CACHD1: variants seen among roughly 807,000 people sequenced by gnomAD.
The protein encoded by CACHD1 is VWFA and cache domain-containing protein 1.
Under a neutral mutation model 138.7 loss-of-function variants are expected in CACHD1, and 71 were observed. The ratio of observed to expected loss-of-function variants is 0.51; its 90% confidence interval spans 0.42 to 0.62. CACHD1 has a LOEUF of 0.62. CACHD1 is among the 20% of genes least tolerant of loss of function. The pLI, the probability that CACHD1 is intolerant of heterozygous loss-of-function variation, is 0.00. For missense variants in CACHD1, 1,389 were observed against 1,625.3 expected (o/e 0.85, Z 2.50); for synonymous variants, 578 against 591.5 (o/e 0.98, Z 0.33).
At chr1:64,689,746 C>A (rs1286527085) in intron 26 of CACHD1, among the ~76,000 whole-genome samples, 1 of 152,220 alleles carries the variant, frequency 6.6e-6, no homozygotes, top group Admixed American at 6.5e-5. Flanking sequence ...TATATCCACA[C>A]CTCTATGGCT....
At chr1:64,516,200 T>C (rs1465855443) in intron 1 of CACHD1, among the ~76,000 whole-genome samples, 1 of 152,200 alleles carries the variant, frequency 6.6e-6, no homozygotes, top group Non-Finnish European at 1.5e-5. Flanking sequence ...AATATACCTG[T>C]CCGTTTAACA....
At chr1:64,472,018 C>A (rs1557452949) in intron 1 of CACHD1, among the ~76,000 whole-genome samples, 1 of 152,144 alleles carries the variant, frequency 6.6e-6, no homozygotes, top group Non-Finnish European at 1.5e-5. Flanking sequence ...TTCTCTTACA[C>A]ATTCTAACAA....
intron 12 of CACHD1, 74 bp from the exon 13 acceptor site, chr1:64,658,631 A>G: frequency 8.9e-7 from 1 of 1,119,926 alleles, no homozygotes; most frequent in Non-Finnish European, 1.3e-6. Flanking sequence ...GCAGTAGAAA[A>G]TAATGTATGC....
chr1:64,635,541 G>A (rs1356812481), intron 7 of CACHD1, among the ~76,000 whole-genome samples: 1 of 151,420 alleles, frequency 6.6e-6, no homozygotes, highest in Non-Finnish European at 1.5e-5. Context: ...GTGCCACCAT[G>A]CCTGGCTAAT....
At chr1:64,661,530 G>A (rs1392414009) in intron 13 of CACHD1, among the ~76,000 whole-genome samples, 1 of 152,146 alleles carries the variant, frequency 6.6e-6, no homozygotes, top group Non-Finnish European at 1.5e-5. Context: ...TTCTGTCTCT[G>A]AAGTGGGTGC....
At chr1:64,569,424 A>T (rs2100506376) in intron 2 of CACHD1, among the ~76,000 whole-genome samples, 1 of 152,260 alleles carries the variant, frequency 6.6e-6, no homozygotes, top group African/African-American at 2.4e-5. Flanking sequence ...GTGTTGTTTG[A>T]GCAAAACCAC....
rs796542220 is a variant in CACHD1 at position 64,477,065 on chromosome 1, C to T, written c.198+6123C>T. ...TAGTTATTAACTGTGTAACTTCTGT[C>T]ATGTTATTAAATCACTCTGAACTTT... is the stretch of plus-strand genomic sequence containing the variant. On this transcript the variant is annotated intron_variant, in intron 1 of 26. Coordinates refer to ENST00000651257, the MANE Select transcript of CACHD1 (RefSeq NM_020925.4). 5.9e-5 allele frequency among the ~76,000 whole-genome samples: 9 copies of T among 152,324 alleles called. No individual in the cohort carries two copies. In the South Asian group the frequency reaches 1.9e-3, roughly 32 times the overall value.
In CACHD1 at chr1:64,502,924, G is replaced by T. The variant is rs114161833; in HGVS notation, c.198+31982G>T. On this transcript the variant is annotated intron_variant, in intron 1 of 26. Coordinates refer to ENST00000651257, the MANE Select transcript of CACHD1 (RefSeq NM_020925.4). The stretch of plus-strand genomic sequence containing the variant: ...TTTCTTTTCCCATTTTGGGTGCATT[G>T]ATCTCCCTGTATTCCCTGGGGTTGC... Among the ~76,000 whole-genome samples, 723 of 152,254 alleles carry T rather than the reference G, an allele frequency of 4.7e-3. 5 individuals carry two copies. Among genetic ancestry groups the T allele is most frequent in the African/African-American group, 0.017 (695 of 41,548 alleles).
intron 3 of CACHD1, among the ~76,000 whole-genome samples, chr1:64,593,321 A>G (rs538779360): frequency 6.6e-6 from 1 of 152,242 alleles, no homozygotes; most frequent in Non-Finnish European, 1.5e-5. Context: ...CAGCTGACCC[A>G]TAAGTTGGCA....
intron 3 of CACHD1, among the ~76,000 whole-genome samples, chr1:64,587,682 C>G (rs2100549111): frequency 6.6e-6 from 1 of 152,318 alleles, no homozygotes; most frequent in East Asian, 1.9e-4. Flanking sequence ...TCAACGGTAT[C>G]ACTTAAAACA....
intron 2 of CACHD1, among the ~76,000 whole-genome samples, chr1:64,555,364 A>G (rs925446652): frequency 2.0e-5 from 3 of 152,272 alleles, no homozygotes; most frequent in East Asian, 3.9e-4. Context: ...AGACATAAAG[A>G]TATTCTCCTA....
At chr1:64,586,236 G>A (rs1647050626) in intron 3 of CACHD1, among the ~76,000 whole-genome samples, 2 of 152,062 alleles carry the variant, frequency 1.3e-5, no homozygotes, top group African/African-American at 4.8e-5. Context: ...GCTAATTTTT[G>A]TATTTTTAGT....
intron 4 of CACHD1, among the ~76,000 whole-genome samples, chr1:64,612,949 G>A (rs1034291294): frequency 1.3e-5 from 2 of 152,170 alleles, no homozygotes; most frequent in Non-Finnish European, 1.5e-5. Flanking sequence ...ACACCTTCTG[G>A]AAATGATTCA....
chr1:64,575,794 G>A (rs1051635916), intron 2 of CACHD1, among the ~76,000 whole-genome samples: 4 of 152,100 alleles, frequency 2.6e-5, no homozygotes, highest in Non-Finnish European at 5.9e-5. Context: ...CTATGCCTTT[G>A]CATTTTTGTT....
chr1:64,524,729 G>A (rs1440079740), intron 1 of CACHD1, among the ~76,000 whole-genome samples: 1 of 152,154 alleles, frequency 6.6e-6, no homozygotes, highest in Admixed American at 6.6e-5. Context: ...AAAAGCAAAT[G>A]TATCCTTGAA....
chr1:64,524,799 A>T (rs1047680171), intron 1 of CACHD1, among the ~76,000 whole-genome samples: 3 of 152,192 alleles, frequency 2.0e-5, no homozygotes, highest in Admixed American at 6.5e-5. Flanking sequence ...GATGATGAAG[A>T]TGATGATAGC....
intron 4 of CACHD1, among the ~76,000 whole-genome samples, chr1:64,627,224 C>G (rs895321399): frequency 7.2e-5 from 11 of 151,968 alleles, no homozygotes; most frequent in African/African-American, 2.7e-4. Flanking sequence ...CTGGGCAACA[C>G]AGTGACACCC....
At chr1:64,517,195 AG>A (rs1165377716) in intron 1 of CACHD1, among the ~76,000 whole-genome samples, 1 of 152,240 alleles carries the variant, frequency 6.6e-6, no homozygotes. Context: ...CCTAGCCAAA[AG>A]GCCAAGAAGT....
At chr1:64,679,994 G>C (rs146655807) in intron 24 of CACHD1, among the ~76,000 whole-genome samples, 28 of 152,316 alleles carry the variant, frequency 1.8e-4, no homozygotes, top group African/African-American at 5.8e-4. Context: ...CCAGTGGCCT[G>C]CCTCTGCAAT....
Sources: gnomAD v4.1 joint callset for allele counts (sites outside exome capture counted in the v4.1 genomes callset) on GRCh38, gnomAD v4.1.1 for gene constraint, MANE v1.5 for transcripts, NCBI Gene and HGNC (gene_info 2026-07-23, HGNC 2026-07-21) for gene names.